The following MTUS2 variants were observed in gnomAD, a reference collection of about 807,000 sequenced individuals.
The protein encoded by MTUS2 is microtubule-associated tumor suppressor candidate 2.
In MTUS2, 40 loss-of-function variants were observed where a neutral mutation model predicts 114.1. That is an observed-to-expected ratio of 0.35 (90% CI 0.27 to 0.46). The LOEUF (loss-of-function observed/expected upper bound fraction) is 0.46, where lower values mean the gene tolerates loss of function less well. Among genes scored for constraint, MTUS2 ranks in the 20% least tolerant of loss-of-function variants. The probability of loss-of-function intolerance (pLI) is 1.00; values close to 1 mark genes in which losing one functional copy is unlikely to be tolerated. For missense variants in MTUS2, 1,679 were observed against 1,705.4 expected (o/e 0.98, Z 0.27); for synonymous variants, 688 against 672.0 (o/e 1.02, Z -0.37).
At chr13:28,909,637 G>A (rs141493276) in intron 2 of MTUS2, among the ~76,000 whole-genome samples, 5,066 of 152,244 alleles carry the variant, frequency 0.033, 275 homozygotes, top group African/African-American at 0.12. Context: ...GATGCCCTCT[G>A]TCACCACTTC....
intron 4 of MTUS2, among the ~76,000 whole-genome samples, chr13:29,094,915 T>C (rs1890115149): frequency 1.3e-5 from 2 of 152,082 alleles, no homozygotes; most frequent in African/African-American, 4.8e-5. Flanking sequence ...AATTCCCCTT[T>C]CAATTTTATC....
chr13:29,471,385 ATT>A (rs1880284424), intron 9 of MTUS2, among the ~76,000 whole-genome samples: 1 of 151,912 alleles, frequency 6.6e-6, no homozygotes, highest in African/African-American at 2.4e-5. Context: ...TGCTTCCTAC[ATT>A]TTTTGCTCAT....
intron 5 of MTUS2, among the ~76,000 whole-genome samples, chr13:29,225,104 C>A (rs961312201): frequency 6.6e-6 from 1 of 152,194 alleles, no homozygotes; most frequent in Non-Finnish European, 1.5e-5. Flanking sequence ...GGCTCCTTGT[C>A]AGCCTACCCT....
chr13:29,188,270 C>T (rs944988599), intron 5 of MTUS2, among the ~76,000 whole-genome samples: 1 of 151,954 alleles, frequency 6.6e-6, no homozygotes, highest in African/African-American at 2.4e-5. Flanking sequence ...GATTCCATGG[C>T]AAAAGAGTGG....
chr13:29,068,612 G>T (rs1888770098), intron 4 of MTUS2, among the ~76,000 whole-genome samples: 1 of 152,196 alleles, frequency 6.6e-6, no homozygotes, highest in African/African-American at 2.4e-5. Flanking sequence ...TCTGAGATCA[G>T]AACATTGGAG....
At chr13:29,228,099 A>G (rs886384213) in intron 5 of MTUS2, among the ~76,000 whole-genome samples, 2 of 152,232 alleles carry the variant, frequency 1.3e-5, no homozygotes, top group East Asian at 1.9e-4. Flanking sequence ...AAAAGCATCA[A>G]TACATGAAGA....
intron 4 of MTUS2, among the ~76,000 whole-genome samples, chr13:29,058,204 C>CCT (rs1888228124): frequency 1.2e-5 from 1 of 85,898 alleles, no homozygotes; most frequent in Admixed American, 1.1e-4. Context: ...CTGCCTTTAA[C>CCT]ATTTTTTTTT....
intron 9 of MTUS2, among the ~76,000 whole-genome samples, chr13:29,442,819 A>T (rs1593449094): frequency 6.6e-6 from 1 of 152,320 alleles, no homozygotes; most frequent in East Asian, 1.9e-4. Flanking sequence ...GTCTTCAGAG[A>T]CTCAGGAACT....
At chr13:29,251,745 G>A (rs554925898) in intron 5 of MTUS2, among the ~76,000 whole-genome samples, 2 of 152,284 alleles carry the variant, frequency 1.3e-5, no homozygotes, top group East Asian at 3.9e-4. Flanking sequence ...GTTCATCCAT[G>A]TTGTGGCATA....
chr13:29,104,027 T>C (rs1054328832), intron 5 of MTUS2, among the ~76,000 whole-genome samples: 4 of 151,990 alleles, frequency 2.6e-5, no homozygotes, highest in Non-Finnish European at 5.9e-5. Context: ...GGGAGCCCCA[T>C]GCATCCCCCT....
At chr13:29,254,951 C>A (rs1897246005) in intron 5 of MTUS2, among the ~76,000 whole-genome samples, 1 of 152,166 alleles carries the variant, frequency 6.6e-6, no homozygotes, top group African/African-American at 2.4e-5. Context: ...AGTTATAATT[C>A]CCACGCCATC....
intron 8 of MTUS2, among the ~76,000 whole-genome samples, chr13:29,422,549 A>G (rs1876189176): frequency 6.6e-6 from 1 of 152,230 alleles, no homozygotes; most frequent in South Asian, 2.1e-4. Flanking sequence ...CTTCAATGCA[A>G]GAAAATATGC....
At chr13:28,951,771 C>T (rs1882821324) in intron 2 of MTUS2, among the ~76,000 whole-genome samples, 1 of 152,004 alleles carries the variant, frequency 6.6e-6, no homozygotes, top group South Asian at 2.1e-4. Flanking sequence ...TGAACTCCAG[C>T]CTGGATGACA....
At chr13:29,074,735 A>G (rs1889106298) in intron 4 of MTUS2, among the ~76,000 whole-genome samples, 1 of 152,036 alleles carries the variant, frequency 6.6e-6, no homozygotes, top group South Asian at 2.1e-4. Context: ...AGTTTTCTGT[A>G]TCTTTGATCT....
chr13:29,385,027 G>A (rs2892433), intron 8 of MTUS2, among the ~76,000 whole-genome samples: 68,090 of 152,034 alleles, frequency 0.45, 18,583 homozygotes, highest in Admixed American at 0.59. Context: ...TACATTTGTC[G>A]TGAGGGTCCA....
chr13:29,281,679 T>A, intron 5 of MTUS2, 25 bp from the exon 6 acceptor site: 2 of 1,572,126 alleles, frequency 1.3e-6, no homozygotes, highest in Non-Finnish European at 1.7e-6. Flanking sequence ...GAAGTTATAA[T>A]TAACACGCTG....
chr13:29,316,640 ACT>A (rs1253607600), intron 6 of MTUS2, among the ~76,000 whole-genome samples: 1 of 152,178 alleles, frequency 6.6e-6, no homozygotes, highest in East Asian at 1.9e-4. Flanking sequence ...CTCAGGACTC[ACT>A]GAGGCCACTG....
chr13:29,095,307 G>A (rs546812756), intron 4 of MTUS2, among the ~76,000 whole-genome samples: 1 of 152,068 alleles, frequency 6.6e-6, no homozygotes, highest in East Asian at 1.9e-4. Context: ...GTTCATTTTT[G>A]CTTGATGTAA....
intron 9 of MTUS2, among the ~76,000 whole-genome samples, chr13:29,459,353 A>G (rs985570403): frequency 6.6e-6 from 1 of 152,144 alleles, no homozygotes; most frequent in Non-Finnish European, 1.5e-5. Context: ...CCTCTCCTTC[A>G]TACTTTACAT....
Sources: gnomAD v4.1 joint callset for allele counts (sites outside exome capture counted in the v4.1 genomes callset) on GRCh38, gnomAD v4.1.1 for gene constraint, MANE v1.5 for transcripts, NCBI Gene and HGNC (gene_info 2026-07-23, HGNC 2026-07-21) for gene names.